TMTC1: variants seen among roughly 807,000 people sequenced by gnomAD.
TMTC1 encodes protein O-mannosyl-transferase TMTC1.
Under a neutral mutation model 104.8 loss-of-function variants are expected in TMTC1, and 73 were observed. The ratio of observed to expected loss-of-function variants is 0.70; its 90% CI spans 0.58 to 0.85. TMTC1 has a LOEUF of 0.85. TMTC1 is among the 40% of genes least tolerant of loss of function. TMTC1 has a pLI of 0.00. For synonymous variants in TMTC1, 434 were observed against 428.7 expected (o/e 1.01, Z -0.15); for missense variants, 1,035 against 1,096.1 (o/e 0.94, Z 0.79).
At chr12:29,638,286 T>G (rs12827042) in intron 5 of TMTC1, among the ~76,000 whole-genome samples, 1 of 151,764 alleles carries the variant, frequency 6.6e-6, no homozygotes, top group Non-Finnish European at 1.5e-5. Context: ...GCAGAAGAGC[T>G]GAAGAGCACG....
At chr12:29,609,656 T>C (rs141420198) in intron 6 of TMTC1, among the ~76,000 whole-genome samples, 29 of 152,354 alleles carry the variant, frequency 1.9e-4, no homozygotes, top group African/African-American at 6.7e-4. Flanking sequence ...ACTGACTTCA[T>C]CTTCAACGTT....
At chr12:29,676,361 A>G (rs1006045977) in intron 5 of TMTC1, among the ~76,000 whole-genome samples, 1 of 152,188 alleles carries the variant, frequency 6.6e-6, no homozygotes, top group African/African-American at 2.4e-5. Flanking sequence ...CACTCTCCTT[A>G]AATATGAAGA....
intron 6 of TMTC1, among the ~76,000 whole-genome samples, chr12:29,605,690 T>C (rs567366365): frequency 6.6e-6 from 1 of 152,290 alleles, no homozygotes; most frequent in African/African-American, 2.4e-5. Flanking sequence ...ATTTAAACTG[T>C]ATAGTTTATT....
chr12:29,539,808 G>A (rs1413318162), intron 10 of TMTC1, among the ~76,000 whole-genome samples: 1 of 152,180 alleles, frequency 6.6e-6, no homozygotes, highest in East Asian at 1.9e-4. Context: ...CAGTACTAGA[G>A]ACTGAGATTC....
At chr12:29,593,300 G>T (rs1363873750) in intron 7 of TMTC1, among the ~76,000 whole-genome samples, 1 of 152,138 alleles carries the variant, frequency 6.6e-6, no homozygotes, top group Non-Finnish European at 1.5e-5. Flanking sequence ...GTAAACTAAA[G>T]GTGAAGTTAA....
At chr12:29,685,929 T>A (rs1235798847) in intron 5 of TMTC1, among the ~76,000 whole-genome samples, 7 of 137,492 alleles carry the variant, frequency 5.1e-5, no homozygotes, top group Non-Finnish European at 9.3e-5. Flanking sequence ...AGCAAGATTG[T>A]TAAAAAAAAA....
chr12:29,568,985 C>T (rs886566110), intron 9 of TMTC1: 22 of 455,960 alleles, frequency 4.8e-5, no homozygotes, highest in African/African-American at 4.2e-4. Context: ...TTTATTATTA[C>T]TGCAGGAGTA....
chr12:29,661,574 G>GCCAC (rs879438092), intron 5 of TMTC1, among the ~76,000 whole-genome samples: 62,845 of 148,786 alleles, frequency 0.42, 13,914 homozygotes, highest in African/African-American at 0.53. Flanking sequence ...GGTACTTTTT[G>GCCAC]TATTTTTAGT....
intron 7 of TMTC1, among the ~76,000 whole-genome samples, chr12:29,594,298 A>G (rs942451477): frequency 6.6e-6 from 1 of 152,244 alleles, no homozygotes; most frequent in African/African-American, 2.4e-5. Context: ...AGAGTCCAGC[A>G]ACTTCACTTT....
intron 5 of TMTC1, among the ~76,000 whole-genome samples, chr12:29,741,838 C>T (rs1444870297): frequency 6.6e-6 from 1 of 152,196 alleles, no homozygotes; most frequent in Non-Finnish European, 1.5e-5. Flanking sequence ...CCAATTTCGA[C>T]TTATCTGAAT....
At chr12:29,514,390 T>C in intron 16 of TMTC1, 92 bp downstream of exon 16, 1 of 1,353,672 alleles carries the variant, frequency 7.4e-7, no homozygotes, top group Non-Finnish European at 1.0e-6. Flanking sequence ...GCCAGTGATC[T>C]TAGATCTTAC....
chr12:29,550,519 C>T (rs777664735), intron 10 of TMTC1, among the ~76,000 whole-genome samples: 4 of 151,632 alleles, frequency 2.6e-5, no homozygotes, highest in Non-Finnish European at 4.4e-5. Context: ...AAAGTGTCAG[C>T]GGGAATGAGA....
chr12:29,663,813 A>C (rs1205204161), intron 5 of TMTC1, among the ~76,000 whole-genome samples: 1 of 151,908 alleles, frequency 6.6e-6, no homozygotes, highest in Non-Finnish European at 1.5e-5. Flanking sequence ...CACCACACCC[A>C]GCCAATTCTC....
chr12:29,660,779 T>C (rs1220812237), intron 5 of TMTC1: 2 of 584,682 alleles, frequency 3.4e-6, no homozygotes, highest in East Asian at 1.2e-4. Context: ...TTCAAAAGTA[T>C]ATATATATAT....
intron 10 of TMTC1, among the ~76,000 whole-genome samples, chr12:29,554,794 A>G (rs919152181): frequency 2.6e-5 from 4 of 152,150 alleles, no homozygotes; most frequent in African/African-American, 4.8e-5. Flanking sequence ...GCAGCGAGCC[A>G]TAATAACACC....
intron 6 of TMTC1, among the ~76,000 whole-genome samples, chr12:29,614,560 G>C (rs909634563): frequency 1.3e-5 from 2 of 152,180 alleles, no homozygotes; most frequent in African/African-American, 4.8e-5. Flanking sequence ...TTTGGAAATG[G>C]TATCAAATGC....
rs144053592 is a variant in TMTC1 at position 29,557,734 on chromosome 12, A to G, written c.1533-734T>C. Among the ~76,000 whole-genome samples the G allele has an allele frequency of 1.4e-3, 210 of 152,302 alleles. 1 individual carries two copies. Among genetic ancestry groups the G allele is most frequent in the African/African-American group, 4.8e-3 (199 of 41,574 alleles). On this transcript the variant is annotated intron_variant, in intron 9 of 17. Coordinates refer to ENST00000539277, the MANE Select transcript of TMTC1 (RefSeq NM_001193451.2). ...CAAAGTGCTGGGATTACAGGCATGA[A>G]CCACCACACCTGGCCCATAAACATC...
chr12:29,643,700 T>TTTATTATAATATA (rs1939044254), intron 5 of TMTC1, among the ~76,000 whole-genome samples: 5 of 1,324 alleles, frequency 3.8e-3, no homozygotes, highest in Admixed American at 0.029. Flanking sequence ...ATTATATATA[T>TTTATTATAATATA]TATATATTAT....
At chr12:29,655,783 G>C (rs1477782257) in intron 5 of TMTC1, among the ~76,000 whole-genome samples, 5 of 152,030 alleles carry the variant, frequency 3.3e-5, no homozygotes, top group African/African-American at 1.2e-4. Flanking sequence ...GCTTGACCAA[G>C]CTCCTCTTAA....
Sources: gnomAD v4.1 joint callset for allele counts (sites outside exome capture counted in the v4.1 genomes callset) on GRCh38, gnomAD v4.1.1 for gene constraint, MANE v1.5 for transcripts, NCBI Gene and HGNC (gene_info 2026-07-23, HGNC 2026-07-21) for gene names.